The following GFOD2 variants were observed in gnomAD, a reference collection of about 807,000 sequenced individuals.
The protein encoded by GFOD2 is glucose-fructose oxidoreductase domain-containing protein 2.
GFOD2 carries 9 observed loss-of-function variants against 24.6 expected under a neutral mutation model. The observed-to-expected ratio is 0.37, with a 90% CI of 0.22 to 0.64. The LOEUF (loss-of-function observed/expected upper bound fraction) is 0.64, where lower values mean the gene tolerates loss of function less well. Ranked by LOEUF, GFOD2 falls within the 30% of genes least tolerant of loss-of-function variation. The pLI is 0.65. For synonymous variants in GFOD2, 211 were observed against 224.8 expected, an observed-to-expected ratio of 0.94 and a Z score of 0.55; for missense variants, 476 against 532.5, an observed-to-expected ratio of 0.89 and a Z score of 1.04.
At chr16:67,683,185 T>A in intron 2 of GFOD2, 16 of 1,003,828 alleles carry the variant, frequency 1.6e-5, no homozygotes, top group Non-Finnish European at 1.9e-5. Context: ...GAGAATTCAG[T>A]TTCTAACAAG....
intron 1 of GFOD2, among the ~76,000 whole-genome samples, chr16:67,688,428 A>G (rs1002617720): frequency 3.3e-5 from 5 of 152,194 alleles, no homozygotes; most frequent in Non-Finnish European, 5.9e-5. Flanking sequence ...TATTCATTGT[A>G]GAGTTTTTCT....
At chr16:67,682,860 C>T (rs2053238555) in intron 2 of GFOD2, 1 of 983,708 alleles carries the variant, frequency 1.0e-6, no homozygotes, top group Non-Finnish European at 1.2e-6. Flanking sequence ...ATCAGTGGCT[C>T]TCAATCCTTC....
chr16:67,714,783 T>C lies in GFOD2; in HGVS notation c.-88+4380A>G, dbSNP rs536488799. Among the ~76,000 whole-genome samples, 6 of 152,308 alleles carry C rather than the reference T, an allele frequency of 3.9e-5. No individual in the cohort carries two copies. The South Asian group carries it at 1.2e-3, about 32-fold the overall frequency. On this transcript the variant is annotated intron_variant, in intron 1 of 2. Coordinates refer to ENST00000268797, the MANE Select transcript of GFOD2 (RefSeq NM_030819.4). ...CAAATCCTTGATTATAGAGGACTGA[T>C]AGAAATCTTTACAGAAGCTCTTGGG...
At chr16:67,712,282 TCCCC>T in intron 1 of GFOD2, among the ~76,000 whole-genome samples, 1 of 49,208 alleles carries the variant, frequency 2.0e-5, no homozygotes, top group Middle Eastern at 8.5e-3. Context: ...CCTCTCCCCC[TCCCC>T]CTCCCCCTCC....
In GFOD2 at chr16:67,675,003, T is replaced by C; in HGVS notation, c.*152A>G. On this transcript the variant is annotated 3_prime_UTR_variant, in exon 3 of 3. Transcript: ENST00000268797. ...CAAGTCTGAGGAGCAGATGAGCCAC[T>C]GGAGGGGGCGAAGTCCCAGAGCCAC... The C allele has an allele frequency of 1.2e-6, 1 of 829,512 alleles. No individual in the cohort carries two copies. 51.4% of individuals were successfully genotyped at this position (829,512 alleles called of 1,614,324 possible).
At position 67,714,514 on chromosome 16, in the gene GFOD2, C is replaced by A. The variant is rs1402503122; in HGVS notation, c.-88+4649G>T. ...AAAAAATTACGATCCAGAAATTACA[C>A]GATTTGCCTAAGGTTATCATCCTAA... On this transcript the variant is annotated intron_variant, in intron 1 of 2. Coordinates refer to ENST00000268797, the MANE Select transcript of GFOD2 (RefSeq NM_030819.4). Among the ~76,000 whole-genome samples, 2 of 149,840 alleles carry A rather than the reference C, an allele frequency of 1.3e-5. 1 individual carries two copies. Among genetic ancestry groups the A allele is most frequent in the Admixed American group, 1.3e-4 (2 of 15,000 alleles).
intron 2 of GFOD2, chr16:67,681,412 C>T: frequency 4.1e-6 from 4 of 985,228 alleles, no homozygotes; most frequent in Non-Finnish European, 4.8e-6. Context: ...CTTCTTGAAT[C>T]TGAAAAATAG....
intron 2 of GFOD2, chr16:67,681,373 A>C: frequency 2.0e-6 from 2 of 985,412 alleles, no homozygotes; most frequent in Non-Finnish European, 2.4e-6. Context: ...TTCATGCCTC[A>C]AGAGGTGAGG....
chr16:67,680,996 C>T, intron 2 of GFOD2: 1 of 985,416 alleles, frequency 1.0e-6, no homozygotes, highest in Non-Finnish European at 1.2e-6. Context: ...TGCACGGGGC[C>T]CGGCAGGGAG....
At chr16:67,716,064 A>G (rs1343149513) in intron 1 of GFOD2, among the ~76,000 whole-genome samples, 1 of 152,196 alleles carries the variant, frequency 6.6e-6, no homozygotes, top group African/African-American at 2.4e-5. Context: ...AGGCATCAGA[A>G]AGGCACTTTT....
chr16:67,679,422 G>A (rs2053207198), intron 2 of GFOD2, among the ~76,000 whole-genome samples: 1 of 151,638 alleles, frequency 6.6e-6, no homozygotes, highest in African/African-American at 2.4e-5. Flanking sequence ...TTTTAGTAGA[G>A]ATGGGGTTTC....
chr16:67,691,508 A>ACCCC, intron 1 of GFOD2, among the ~76,000 whole-genome samples: 1 of 114,406 alleles, frequency 8.7e-6, no homozygotes, highest in African/African-American at 3.9e-5. Flanking sequence ...CTGTGCCTAG[A>ACCCC]CCCCCCCCCA....
At chr16:67,717,651 C>G (rs976939461) in intron 1 of GFOD2, among the ~76,000 whole-genome samples, 15 of 152,054 alleles carry the variant, frequency 9.9e-5, no homozygotes, top group Non-Finnish European at 1.6e-4. Context: ...ATTAGCTGGG[C>G]GTGGTGGTAC....
At chr16:67,689,649 C>A (rs1226967887) in intron 1 of GFOD2, among the ~76,000 whole-genome samples, 1 of 151,440 alleles carries the variant, frequency 6.6e-6, no homozygotes, top group Non-Finnish European at 1.5e-5. Context: ...CCAGCCTGGG[C>A]GACAGAGCAA....
intron 1 of GFOD2, among the ~76,000 whole-genome samples, chr16:67,710,850 T>C (rs1388934823): frequency 6.6e-6 from 1 of 152,124 alleles, no homozygotes; most frequent in African/African-American, 2.4e-5. Flanking sequence ...TATTCAGAGT[T>C]GAGCTCAGTC....
Position 67,675,450 on chromosome 16 carries a change from C to T in GFOD2, c.863G>A (p.Gly288Asp). The T allele has an allele frequency of 6.2e-7, 1 of 1,612,396 alleles. No homozygotes were observed. The highest frequency in any genetic ancestry group is 8.5e-7 in the Non-Finnish European group (1 of 1,180,022). ...GGGCCCCTGCTCAGGCAGTCCTGCGCCCACTGCCAGCGAGTCCCTCAAGAG... is the reference window on the plus strand; with the variant it reads ...GGGCCCCTGCTCAGGCAGTCCTGCGTCCACTGCCAGCGAGTCCCTCAAGAG... ...ELLLRDSLAV[G>D]AGLPEQGPQD... The change falls in exon 3 of 3, where the codon GGC becomes GAC. Residue 288 changes from glycine (G) to aspartate (D), a missense_variant. By Grantham distance (94) the Gly-to-Asp change is moderately conservative. Transcript: ENST00000268797.
At chr16:67,715,682 G>C (rs1597807047) in intron 1 of GFOD2, among the ~76,000 whole-genome samples, 1 of 152,058 alleles carries the variant, frequency 6.6e-6, no homozygotes, top group African/African-American at 2.4e-5. Context: ...TACTACTTTT[G>C]AATGCAAGAA....
At chr16:67,714,334 C>T (rs2142997948) in intron 1 of GFOD2, among the ~76,000 whole-genome samples, 1 of 151,824 alleles carries the variant, frequency 6.6e-6, no homozygotes, top group East Asian at 1.9e-4. Flanking sequence ...CAAAAATTAG[C>T]CAGGCATGAA....
chr16:67,683,967 T>A, intron 2 of GFOD2: 1 of 941,698 alleles, frequency 1.1e-6, no homozygotes, highest in South Asian at 5.0e-5. Flanking sequence ...TTATTTCTAG[T>A]TGCCTCAATT....
Sources: gnomAD v4.1 joint callset for allele counts (sites outside exome capture counted in the v4.1 genomes callset) on GRCh38, gnomAD v4.1.1 for gene constraint, MANE v1.5 for transcripts, NCBI Gene and HGNC (gene_info 2026-07-23, HGNC 2026-07-21) for gene names.